SORCS1: variants seen among roughly 807,000 people sequenced by gnomAD.
SORCS1 encodes the protein VPS10 domain-containing receptor SorCS1.
Under a neutral mutation model 146.1 loss-of-function variants are expected in SORCS1, and 60 were observed. The observed-to-expected ratio is 0.41, with a 90% CI of 0.33 to 0.51. SORCS1 has a LOEUF of 0.51. Among genes scored for constraint, SORCS1 ranks in the 20% least tolerant of loss-of-function variants. SORCS1 has a pLI of 0.21. For missense variants in SORCS1, 1,352 were observed against 1,487.6 expected (o/e 0.91, Z 1.50); for synonymous variants, 637 against 584.0 (o/e 1.09, Z -1.31).
chr10:106,740,309 A>T (rs1429989966), intron 5 of SORCS1, among the ~76,000 whole-genome samples: 1 of 152,206 alleles, frequency 6.6e-6, no homozygotes, highest in African/African-American at 2.4e-5. Flanking sequence ...CTGTTGCTCT[A>T]AACTGAGGAT....
At chr10:107,065,509 T>TCTCCTCTC (rs1288792588) in intron 1 of SORCS1, among the ~76,000 whole-genome samples, 1 of 127,398 alleles carries the variant, frequency 7.8e-6, no homozygotes, top group Admixed American at 8.6e-5. Flanking sequence ...TCTCCTCTCC[T>TCTCCTCTC]CTCTTTCTTT....
intron 1 of SORCS1, among the ~76,000 whole-genome samples, chr10:107,063,942 A>G (rs1328230): frequency 0.074 from 11,256 of 152,242 alleles, 1,304 homozygotes; most frequent in African/African-American, 0.25. Flanking sequence ...TGGGAAGAAC[A>G]GTAAAGATAT....
At chr10:106,949,579 C>T (rs548967032) in intron 2 of SORCS1, among the ~76,000 whole-genome samples, 30 of 152,288 alleles carry the variant, frequency 2.0e-4, no homozygotes, top group African/African-American at 3.4e-4. Context: ...TGCGTAATGG[C>T]CACGAAATTG....
chr10:107,009,828 A>T (rs904484965), intron 1 of SORCS1, among the ~76,000 whole-genome samples: 3 of 152,174 alleles, frequency 2.0e-5, no homozygotes, highest in Non-Finnish European at 4.4e-5. Flanking sequence ...AATAATTATT[A>T]TCAGAGCGAC....
intron 9 of SORCS1, among the ~76,000 whole-genome samples, chr10:106,694,704 G>A (rs930801710): frequency 1.3e-5 from 2 of 152,142 alleles, no homozygotes; most frequent in Admixed American, 1.3e-4. Flanking sequence ...TTAAAGAGAG[G>A]GTACTCATAA....
chr10:106,698,862 A>G (rs1853910443), intron 9 of SORCS1, among the ~76,000 whole-genome samples: 1 of 152,082 alleles, frequency 6.6e-6, no homozygotes, highest in Non-Finnish European at 1.5e-5. Flanking sequence ...TGCATCCACC[A>G]TCCCTTTACT....
intron 19 of SORCS1, among the ~76,000 whole-genome samples, chr10:106,622,183 AG>A (rs1190804937): frequency 6.7e-6 from 1 of 149,822 alleles, no homozygotes; most frequent in Non-Finnish European, 1.5e-5. Context: ...CCAGCTACTC[AG>A]GAGGCTGAGG....
intron 2 of SORCS1, among the ~76,000 whole-genome samples, chr10:106,954,443 TC>T (rs1403220173): frequency 6.6e-6 from 1 of 152,078 alleles, no homozygotes; most frequent in Non-Finnish European, 1.5e-5. Context: ...TTTTATTAAG[TC>T]CCCTACCAAA....
chr10:107,021,565 AC>A (rs1035463600), intron 1 of SORCS1, among the ~76,000 whole-genome samples: 13 of 146,934 alleles, frequency 8.8e-5, no homozygotes, highest in Non-Finnish European at 1.6e-4. Flanking sequence ...ATTTATCCCA[AC>A]CCCTCCTCCC....
At chr10:107,152,815 T>G (rs1020026419) in intron 1 of SORCS1, among the ~76,000 whole-genome samples, 1 of 152,206 alleles carries the variant, frequency 6.6e-6, no homozygotes, top group Admixed American at 6.5e-5. Flanking sequence ...ACTAATACAC[T>G]CACTGACACT....
At chr10:106,708,465 G>A (rs568379754) in intron 7 of SORCS1, among the ~76,000 whole-genome samples, 1 of 152,092 alleles carries the variant, frequency 6.6e-6, no homozygotes, top group East Asian at 1.9e-4. Context: ...TTTAGTAATT[G>A]TACCTTTGTC....
At chr10:106,781,962 T>C (rs892365744) in intron 3 of SORCS1, among the ~76,000 whole-genome samples, 71 of 151,114 alleles carry the variant, frequency 4.7e-4, no homozygotes, top group African/African-American at 1.7e-3. Context: ...CACACACTGA[T>C]AGAAATGAGT....
At chr10:107,133,023 G>T (rs879778097) in intron 1 of SORCS1, among the ~76,000 whole-genome samples, 5 of 152,280 alleles carry the variant, frequency 3.3e-5, no homozygotes, top group Non-Finnish European at 5.9e-5. Context: ...CCCGCTGAAG[G>T]TTCAGCCTCT....
At chr10:107,014,371 T>A (rs868483881) in intron 1 of SORCS1, among the ~76,000 whole-genome samples, 11 of 152,134 alleles carry the variant, frequency 7.2e-5, no homozygotes, top group Middle Eastern at 3.2e-3. Flanking sequence ...TTGCTTAGTG[T>A]TGCAGGGCAT....
intron 4 of SORCS1, among the ~76,000 whole-genome samples, chr10:106,767,955 T>A (rs2136300512): frequency 6.6e-6 from 1 of 152,356 alleles, no homozygotes; most frequent in South Asian, 2.1e-4. Flanking sequence ...AAAATGTTCA[T>A]TTCTCCTTAT....
rs151181729 is a variant in SORCS1, at chr10:107,033,378, T to A, written c.559-76798A>T. 4.3e-4 allele frequency among the ~76,000 whole-genome samples: 66 copies of A among 152,264 alleles called. 1 individual carries two copies. The East Asian group carries it at 8.1e-3, about 19-fold the overall frequency. ...GTAGAGCCAAATCATATCAGCATGTTTCTAAAAACCAGTATAATGTGCCAT... is the reference window on the plus strand; with the variant it reads ...GTAGAGCCAAATCATATCAGCATGTATCTAAAAACCAGTATAATGTGCCAT... On this transcript the variant is annotated intron_variant, in intron 1 of 25. Transcript: ENST00000263054.
At chr10:106,611,389 C>T (rs970238236) in intron 22 of SORCS1, among the ~76,000 whole-genome samples, 1 of 152,034 alleles carries the variant, frequency 6.6e-6, no homozygotes, top group African/African-American at 2.4e-5. Context: ...TGTTACAGTA[C>T]AGAAATTTCT....
At chr10:106,666,512 C>A (rs1851153609) in intron 17 of SORCS1, among the ~76,000 whole-genome samples, 2 of 152,024 alleles carry the variant, frequency 1.3e-5, no homozygotes, top group African/African-American at 2.4e-5. Context: ...ACCCACCTAC[C>A]TCCATAATCG....
intron 2 of SORCS1, among the ~76,000 whole-genome samples, chr10:106,850,180 C>T (rs1163032265): frequency 2.0e-5 from 3 of 151,950 alleles, no homozygotes; most frequent in African/African-American, 4.8e-5. Flanking sequence ...CGCCCCTCCC[C>T]CAGCCTCGCT....
Sources: gnomAD v4.1 joint callset for allele counts (sites outside exome capture counted in the v4.1 genomes callset) on GRCh38, gnomAD v4.1.1 for gene constraint, MANE v1.5 for transcripts, NCBI Gene and HGNC (gene_info 2026-07-23, HGNC 2026-07-21) for gene names.